Variants in ABL1 observed in about 807,000 individuals in gnomAD.
The protein encoded by ABL1 is tyrosine-protein kinase ABL1.
A neutral mutation model predicts 94.7 loss-of-function variants in ABL1; 11 were observed. The ratio of observed to expected loss-of-function variants is 0.12; its 90% confidence interval spans 0.07 to 0.19. ABL1 has a LOEUF of 0.19. Among genes scored for constraint, ABL1 ranks in the 10% least tolerant of loss-of-function variants. The probability of loss-of-function intolerance (pLI) is 1.00; values close to 1 mark genes in which losing one functional copy is unlikely to be tolerated. For missense variants in ABL1, 1,082 were observed against 1,489.4 expected, an observed-to-expected ratio of 0.73 and a Z score of 4.50; for synonymous variants, 656 against 622.4, an observed-to-expected ratio of 1.05 and a Z score of -0.80.
At position 130,808,214 on chromosome 9, in the gene ABL1, TTTCTTCTTC is replaced by T. The variant is rs372530078; in HGVS notation, c.137-45823_137-45815del. ...TGTGACAACCTTTATCCTAATTTCT[TTTCTTCTTC>T]TTCTTCTTCTTCTTCTTCTTCTTCT... is the stretch of plus-strand genomic sequence containing the variant. On this transcript the variant is annotated intron_variant, in intron 1 of 10. Coordinates refer to the ABL1 transcript ENST00000372348. 4.0e-3 allele frequency among the ~76,000 whole-genome samples: 568 copies of T among 142,906 alleles called. 7 individuals carry two copies. The highest frequency in any genetic ancestry group is 7.0e-3 in the African/African-American group (262 of 37,450). The allele number at this position is 142,906 out of a possible 152,430, so 93.8% of individuals were successfully genotyped here.
At chr9:130,720,977 C>T (rs1831506782) in intron 1 of ABL1, among the ~76,000 whole-genome samples, 1 of 151,416 alleles carries the variant, frequency 6.6e-6, no homozygotes, top group African/African-American at 2.4e-5. Context: ...GCACTCCAGC[C>T]TGGGCAACAG....
intron 1 of ABL1, among the ~76,000 whole-genome samples, chr9:130,754,296 C>T (rs1371907639): frequency 1.3e-5 from 2 of 151,144 alleles, no homozygotes; most frequent in Non-Finnish European, 2.9e-5. Flanking sequence ...ATTACGAGGT[C>T]AGGAGATCGA....
At chr9:130,826,875 G>C (rs1194855107) in intron 1 of ABL1, among the ~76,000 whole-genome samples, 1 of 152,078 alleles carries the variant, frequency 6.6e-6, no homozygotes, top group South Asian at 2.1e-4. Flanking sequence ...TCAGGAGATC[G>C]AGACCATCCT....
intron 1 of ABL1, among the ~76,000 whole-genome samples, chr9:130,797,236 G>GAAA (rs71389356): frequency 7.2e-5 from 4 of 55,214 alleles, no homozygotes; most frequent in Non-Finnish European, 1.0e-4. Context: ...ACTCCATCTC[G>GAAA]AAAAAAAAAA....
chr9:130,813,497 G>A (rs151271978), intron 1 of ABL1, among the ~76,000 whole-genome samples: 4,382 of 145,986 alleles, frequency 0.03, 105 homozygotes, highest in Middle Eastern at 0.065. Context: ...GGAGGATGAG[G>A]TTGCAGTGAG....
chr9:130,867,477 C>T (rs1184211734), intron 4 of ABL1, among the ~76,000 whole-genome samples: 1 of 152,180 alleles, frequency 6.6e-6, no homozygotes, highest in Non-Finnish European at 1.5e-5. Flanking sequence ...GGGTCCGCTT[C>T]CAGAAACTAC....
intron 1 of ABL1, among the ~76,000 whole-genome samples, chr9:130,747,997 C>A (rs1165345462): frequency 6.6e-6 from 1 of 152,166 alleles, no homozygotes; most frequent in East Asian, 1.9e-4. Context: ...GAGTGGCAGT[C>A]ATTTCACGTT....
chr9:130,820,669 G>T (rs1830348066), intron 1 of ABL1, among the ~76,000 whole-genome samples: 1 of 152,164 alleles, frequency 6.6e-6, no homozygotes, highest in Non-Finnish European at 1.5e-5. Context: ...CCAACAACAC[G>T]TACAGCACAG....
chr9:130,817,469 C>T (rs956190588), intron 1 of ABL1, among the ~76,000 whole-genome samples: 4 of 152,196 alleles, frequency 2.6e-5, no homozygotes, highest in African/African-American at 9.7e-5. Flanking sequence ...TCTCCTCTGC[C>T]TTTGCCTCTT....
chr9:130,769,280 A>G (rs1832222149), intron 1 of ABL1, among the ~76,000 whole-genome samples: 1 of 150,882 alleles, frequency 6.6e-6, no homozygotes, highest in Admixed American at 6.6e-5. Flanking sequence ...ACTTTTATGG[A>G]ATGCAACTTC....
chr9:130,839,562 C>T (rs993122786), intron 1 of ABL1, among the ~76,000 whole-genome samples: 1 of 152,192 alleles, frequency 6.6e-6, no homozygotes, highest in Non-Finnish European at 1.5e-5. Context: ...ACACCAGTGC[C>T]CTGAGGTTTC....
Position 130,835,445 on chromosome 9 carries a change from A to C in ABL1, c.-2A>C. 1 of 1,547,026 alleles carries C rather than the reference A, an allele frequency of 6.5e-7. No individual in the cohort carries two copies. The highest frequency in any genetic ancestry group is 8.7e-7 in the Non-Finnish European group (1 of 1,143,540). ...CGGCCCCCGACGTGCTGGCGCGGGA[A>C]AATGTTGGAGATCTGCCTGAAGCTG... On this transcript the variant is annotated 5_prime_UTR_variant, in exon 1 of 11. Coordinates refer to ENST00000318560, the MANE Select transcript of ABL1 (RefSeq NM_005157.6). This position sits in a 1 kb window ranked among gnomAD's most constrained non-coding sequence, Gnocchi z 4.6.
chr9:130,812,103 G>T (rs1198511402), intron 1 of ABL1, among the ~76,000 whole-genome samples: 2 of 150,212 alleles, frequency 1.3e-5, no homozygotes, highest in Non-Finnish European at 3.0e-5. Flanking sequence ...AGTGGCTCAT[G>T]CCTGTAATCC....
At chr9:130,789,474 CAG>C (rs1054674741) in intron 1 of ABL1, among the ~76,000 whole-genome samples, 22 of 152,188 alleles carry the variant, frequency 1.4e-4, no homozygotes, top group Middle Eastern at 3.4e-3. Context: ...TTCCCTAACT[CAG>C]AGTTTCCATA....
Position 130,785,589 on chromosome 9 carries a change from C to G in ABL1, c.137-68475C>G, listed in dbSNP as rs1829815706. On this transcript the variant is annotated intron_variant, in intron 1 of 10. Transcript: ENST00000372348. ...TAGTAGACACTTTGTTCATTTGCTACTTCTGTACCCCTGGGTCCTCTTTTA... is the reference window on the plus strand; with the variant it reads ...TAGTAGACACTTTGTTCATTTGCTAGTTCTGTACCCCTGGGTCCTCTTTTA... 2.0e-5 allele frequency among the ~76,000 whole-genome samples: 3 copies of G among 152,184 alleles called. No individual in the cohort carries two copies. The South Asian group carries it at 6.2e-4, about 32-fold the overall frequency.
chr9:130,755,419 G>A (rs1188222671), intron 1 of ABL1, among the ~76,000 whole-genome samples: 1 of 152,124 alleles, frequency 6.6e-6, no homozygotes. Flanking sequence ...GGCTTTGCTT[G>A]TCGACCTGCT....
rs116722463 is a variant in ABL1, at chr9:130,841,924, G to A, written c.79+6399G>A. 7.1e-3 allele frequency among the ~76,000 whole-genome samples: 1,041 copies of A among 145,756 alleles called. 15 individuals carry two copies. Among genetic ancestry groups the A allele is most frequent in the African/African-American group, 0.027 (997 of 36,606 alleles). ...TGATAGGGAAGACAGAGAGAAATAG[G>A]TGGGAAGGAGATAGAGAGAGAGAGA... On this transcript the variant is annotated intron_variant, in intron 1 of 10. Coordinates refer to ENST00000318560, the MANE Select transcript of ABL1 (RefSeq NM_005157.6).
intron 1 of ABL1, among the ~76,000 whole-genome samples, chr9:130,847,859 G>A (rs948573290): frequency 3.3e-5 from 5 of 152,080 alleles, no homozygotes; most frequent in Non-Finnish European, 7.4e-5. Flanking sequence ...CGACATGTTC[G>A]GGACCATCCC....
chr9:130,783,934 G>T (rs1238368037), intron 1 of ABL1, among the ~76,000 whole-genome samples: 1 of 152,056 alleles, frequency 6.6e-6, no homozygotes, highest in Non-Finnish European at 1.5e-5. Flanking sequence ...GGGATTGCAG[G>T]GATTAGCCAC....
Sources: gnomAD v4.1 joint callset for allele counts (sites outside exome capture counted in the v4.1 genomes callset) on GRCh38, gnomAD v4.1.1 for gene constraint, Gnocchi (gnomAD v3.1) non-coding constraint, MANE v1.5 for transcripts, NCBI Gene and HGNC (gene_info 2026-07-23, HGNC 2026-07-21) for gene names.